LRRC1: variants seen among roughly 807,000 people sequenced by gnomAD.
LRRC1 encodes leucine rich repeat containing 1, also known as leucine-rich repeat-containing protein 1.
In LRRC1, 28 loss-of-function variants were observed where a neutral mutation model predicts 69.9. The observed-to-expected ratio is 0.40, with a 90% CI of 0.30 to 0.55. LRRC1 has a LOEUF of 0.55. LRRC1 is among the 20% of genes least tolerant of loss of function. LRRC1 has a pLI of 0.47. For missense variants in LRRC1, 498 were observed against 609.0 expected, an observed-to-expected ratio of 0.82 and a Z score of 1.92; for synonymous variants, 236 against 240.2, an observed-to-expected ratio of 0.98 and a Z score of 0.16.
At position 53,795,037 on chromosome 6, in the gene LRRC1, A is replaced by G. The variant is rs1764243675; in HGVS notation, c.-220A>G. Reference sequence around the variant, plus strand: ...GCGACTGGCGGGTGGGAGTGGAGGCACCGGCTGGCGGGCGGGGGTACAGGG... The same window carrying G: ...GCGACTGGCGGGTGGGAGTGGAGGCGCCGGCTGGCGGGCGGGGGTACAGGG... On this transcript the variant is annotated 5_prime_UTR_variant, in exon 1 of 14. Transcript: ENST00000370888. The G allele has an allele frequency of 2.7e-6, 1 of 372,342 alleles. No individual in the cohort carries two copies. The highest frequency in any genetic ancestry group is 2.2e-5 in the African/African-American group (1 of 46,404). 23.1% of individuals were successfully genotyped at this position (372,342 alleles called of 1,614,324 possible).
At chr6:53,860,997 CAGAAG>C (rs1766489795) in intron 2 of LRRC1, among the ~76,000 whole-genome samples, 1 of 144,902 alleles carries the variant, frequency 6.9e-6, no homozygotes, top group Non-Finnish European at 1.5e-5. Context: ...CACATGGACA[CAGAAG>C]GGAACGACAG....
At chr6:53,799,105 C>G (rs1210251284) in intron 1 of LRRC1, among the ~76,000 whole-genome samples, 1 of 152,236 alleles carries the variant, frequency 6.6e-6, no homozygotes, top group Admixed American at 6.5e-5. Context: ...AATGAATATA[C>G]TAAAGGCTTC....
intron 4 of LRRC1, among the ~76,000 whole-genome samples, chr6:53,887,691 T>C (rs1194395918): frequency 1.3e-5 from 2 of 152,212 alleles, no homozygotes; most frequent in African/African-American, 2.4e-5. Context: ...CTTCTCATAA[T>C]GAACACATTA....
At chr6:53,823,318 T>C (rs574424573) in intron 1 of LRRC1, among the ~76,000 whole-genome samples, 1 of 152,342 alleles carries the variant, frequency 6.6e-6, no homozygotes, top group Admixed American at 6.5e-5. Flanking sequence ...GAACTTAATA[T>C]ATTGCAGCAT....
chr6:53,839,091 TATTGA>T (rs1765691146), intron 1 of LRRC1, among the ~76,000 whole-genome samples: 1 of 152,194 alleles, frequency 6.6e-6, no homozygotes, highest in Admixed American at 6.5e-5. Flanking sequence ...TGTTGCATAA[TATTGA>T]ATTATTTAAT....
At chr6:53,864,847 T>G (rs1766644691) in intron 2 of LRRC1, among the ~76,000 whole-genome samples, 1 of 152,168 alleles carries the variant, frequency 6.6e-6, no homozygotes, top group African/African-American at 2.4e-5. Flanking sequence ...ATGTCTAAAG[T>G]GGCAGTGACA....
chr6:53,795,985 T>G (rs1442470200), intron 1 of LRRC1, among the ~76,000 whole-genome samples: 1 of 150,670 alleles, frequency 6.6e-6, no homozygotes, highest in Non-Finnish European at 1.5e-5. Flanking sequence ...CTGCGGTGGC[T>G]GCGGGGGTGG....
intron 13 of LRRC1, among the ~76,000 whole-genome samples, chr6:53,921,321 T>C (rs546181110): frequency 2.0e-5 from 3 of 152,302 alleles, no homozygotes; most frequent in East Asian, 3.9e-4. Context: ...TTATTTGTAA[T>C]AGTTTCCCCT....
intron 2 of LRRC1, among the ~76,000 whole-genome samples, chr6:53,877,017 G>C (rs774882494): frequency 6.6e-6 from 1 of 152,152 alleles, no homozygotes; most frequent in Non-Finnish European, 1.5e-5. Flanking sequence ...TTCCCACGAG[G>C]GCCTTGCCCC....
intron 4 of LRRC1, among the ~76,000 whole-genome samples, chr6:53,892,255 C>T (rs1767731086): frequency 6.6e-6 from 1 of 151,990 alleles, no homozygotes; most frequent in Admixed American, 6.6e-5. Flanking sequence ...TAAGTTAATT[C>T]TCATAAAGAA....
intron 2 of LRRC1, among the ~76,000 whole-genome samples, chr6:53,857,460 C>T (rs781390467): frequency 3.3e-5 from 5 of 152,170 alleles, no homozygotes; most frequent in Non-Finnish European, 5.9e-5. Flanking sequence ...GCGTTGTCAT[C>T]GGTGAAACTG....
At chr6:53,851,014 T>A (rs938396586) in intron 2 of LRRC1, among the ~76,000 whole-genome samples, 1 of 152,016 alleles carries the variant, frequency 6.6e-6, no homozygotes, top group African/African-American at 2.4e-5. Context: ...GCTGGGAAAT[T>A]CAGTTAGCTA....
chr6:53,898,531 A>G (rs375805530), intron 7 of LRRC1, among the ~76,000 whole-genome samples: 14 of 152,244 alleles, frequency 9.2e-5, no homozygotes, highest in African/African-American at 2.2e-4. Context: ...TAAAATTCCA[A>G]TGATTGTGCT....
chr6:53,904,696 AAGAG>A (rs909036586), intron 10 of LRRC1: 1 of 269,172 alleles, frequency 3.7e-6, no homozygotes, highest in Non-Finnish European at 7.0e-6. Flanking sequence ...GGGAGAAAGA[AAGAG>A]ATTGACATTT....
chr6:53,800,691 G>A (rs1186852821), intron 1 of LRRC1, among the ~76,000 whole-genome samples: 1 of 151,488 alleles, frequency 6.6e-6, no homozygotes, highest in East Asian at 1.9e-4. Flanking sequence ...CCAGTCTGGA[G>A]TGTGGTGATG....
At chr6:53,871,915 G>A (rs568789216) in intron 2 of LRRC1, among the ~76,000 whole-genome samples, 3 of 152,196 alleles carry the variant, frequency 2.0e-5, no homozygotes, top group South Asian at 4.2e-4. Flanking sequence ...TGATCGGCCC[G>A]CCTTGGCTTC....
intron 2 of LRRC1, among the ~76,000 whole-genome samples, chr6:53,867,952 T>C (rs1180722259): frequency 6.9e-6 from 1 of 145,188 alleles, no homozygotes; most frequent in African/African-American, 2.5e-5. Context: ...GACCCTGTCT[T>C]ACCAAAAAAA....
intron 1 of LRRC1, among the ~76,000 whole-genome samples, chr6:53,833,972 A>C (rs1033289046): frequency 6.6e-6 from 1 of 152,206 alleles, no homozygotes; most frequent in Non-Finnish European, 1.5e-5. Context: ...GTTCAGCATT[A>C]GTAAAATTCT....
intron 9 of LRRC1, 79 bp downstream of exon 9, chr6:53,902,826 G>A: frequency 1.1e-6 from 1 of 881,424 alleles, no homozygotes; most frequent in Non-Finnish European, 1.7e-6. Context: ...TGGACTAAAT[G>A]GAAATTTCTT....
Sources: gnomAD v4.1 joint callset for allele counts (sites outside exome capture counted in the v4.1 genomes callset) on GRCh38, gnomAD v4.1.1 for gene constraint, MANE v1.5 for transcripts, NCBI Gene and HGNC (gene_info 2026-07-23, HGNC 2026-07-21) for gene names.